CCDC88C: variants seen among roughly 807,000 people sequenced by gnomAD.
The protein encoded by CCDC88C is coiled-coil and HOOK domain protein 88C, also known as protein Daple.
In CCDC88C, 131 loss-of-function variants were observed where a neutral mutation model predicts 198.8. That is an observed-to-expected ratio of 0.66 (90% confidence interval 0.57 to 0.76). The LOEUF (loss-of-function observed/expected upper bound fraction) is 0.76, where lower values mean the gene tolerates loss of function less well. Ranked by LOEUF, CCDC88C falls within the 30% of genes least tolerant of loss-of-function variation. The pLI is 0.00. For synonymous variants in CCDC88C, 1,166 were observed against 1,114.7 expected (o/e 1.05, Z -0.92); for missense variants, 2,553 against 2,631.6 (o/e 0.97, Z 0.65).
At chr14:91,326,200 A>G (rs751168831) in intron 10 of CCDC88C, 144 bp from the exon 11 acceptor site, 2 of 678,652 alleles carry the variant, frequency 2.9e-6, no homozygotes, top group Non-Finnish European at 4.8e-6. Context: ...TTTTTCCTCT[A>G]CTTTTTTTTT....
At chr14:91,388,818 T>C (rs1885307668) in intron 3 of CCDC88C, among the ~76,000 whole-genome samples, 1 of 152,146 alleles carries the variant, frequency 6.6e-6, no homozygotes, top group Non-Finnish European at 1.5e-5. Context: ...AGGACTTCCC[T>C]GGGTATTAAT....
rs561916987 is a variant in CCDC88C, at chr14:91,343,022, A to G, written c.400-559T>C. 9.8e-5 allele frequency among the ~76,000 whole-genome samples: 15 copies of G among 152,308 alleles called. No individual in the cohort carries two copies. In the South Asian group the frequency reaches 3.1e-3, roughly 32 times the overall value. ...CAGGCTGGAGTGCAGTGGCATGATC[A>G]TGGCTCACTGCAGCCTCAAACTCCT... On this transcript the variant is annotated intron_variant, in intron 5 of 29. Transcript: ENST00000389857.
At chr14:91,296,087 C>T (rs1416352161) in intron 22 of CCDC88C, among the ~76,000 whole-genome samples, 2 of 152,178 alleles carry the variant, frequency 1.3e-5, no homozygotes, top group African/African-American at 2.4e-5. Flanking sequence ...TTAAGCCACC[C>T]GGCTTGAGGT....
chr14:91,392,289 C>T (rs1043498543), intron 3 of CCDC88C, among the ~76,000 whole-genome samples: 24 of 152,216 alleles, frequency 1.6e-4, no homozygotes, highest in African/African-American at 5.5e-4. Flanking sequence ...CACCCCCAAC[C>T]CTGCCAAAAC....
rs755390490 is a variant in CCDC88C at position 91,273,495 on chromosome 14, G to A, written c.5217C>T (p.Thr1739=). 6.5e-7 allele frequency: 1 copy of A among 1,550,146 alleles called. No individual in the cohort carries two copies. The highest frequency in any genetic ancestry group is 8.7e-7 in the Non-Finnish European group (1 of 1,146,908). The change falls in exon 30 of 30, where the codon ACC becomes ACT. Residue 1739 remains threonine, a synonymous_variant. Coordinates refer to ENST00000389857, the MANE Select transcript of CCDC88C (RefSeq NM_001080414.4). This position sits in a 1 kb window ranked among gnomAD's most constrained non-coding sequence, Gnocchi z 5.6. ...CGGGCTTCAGCGGCCTCCCCTCCGA[G>A]GTGGGGGCGGCCATTTTGACGGTGG... The part of the protein sequence containing the change: ...VAPTVKMAAP[T]SEGRPLKPGQ...
chr14:91,302,341 T>G (rs1029334673), intron 20 of CCDC88C, among the ~76,000 whole-genome samples: 2 of 152,160 alleles, frequency 1.3e-5, no homozygotes, highest in Admixed American at 6.5e-5. Context: ...TCTGTTGTAC[T>G]CCAAGTACCT....
At chr14:91,372,528 C>CGGGGGGG (rs199749681) in intron 3 of CCDC88C, among the ~76,000 whole-genome samples, 18 of 24,532 alleles carry the variant, frequency 7.3e-4, no homozygotes, top group African/African-American at 1.4e-3. Context: ...GGCAGTGGTG[C>CGGGGGGG]GGGGGGGGGC....
intron 21 of CCDC88C, 144 bp from the exon 22 acceptor site, chr14:91,297,635 T>C: frequency 2.6e-6 from 2 of 782,228 alleles, no homozygotes; most frequent in Non-Finnish European, 4.0e-6. Flanking sequence ...GGCTTTTTTT[T>C]TTTTCCATGC....
chr14:91,314,288 C>A, intron 14 of CCDC88C, 138 bp from the exon 15 acceptor site: 1 of 677,418 alleles, frequency 1.5e-6, no homozygotes. Context: ...GTGCGTTCCC[C>A]AGAGGCTTGA....
chr14:91,391,591 C>T (rs1203240867), intron 3 of CCDC88C, among the ~76,000 whole-genome samples: 1 of 152,094 alleles, frequency 6.6e-6, no homozygotes, highest in Non-Finnish European at 1.5e-5. Context: ...CCAGCCTGGC[C>T]AACATGGTGA....
rs1175288281 is a variant in CCDC88C at position 91,272,952 on chromosome 14, A to G, written c.5760T>C (p.Ser1920=). 1.3e-6 allele frequency: 2 copies of G among 1,559,918 alleles called. No individual in the cohort carries two copies. The highest frequency in any genetic ancestry group is 1.9e-5 in the Admixed American group (1 of 53,004). The change falls in exon 30 of 30, where the codon AGT becomes AGC. Residue 1920 remains serine (S), a synonymous_variant. Transcript: ENST00000389857. ...TAGAGAAAAG[S]GSNSQLLHFS... is the part of the protein sequence containing the mutation. The stretch of plus-strand genomic sequence containing the variant: ...AGTGCAGGAGCTGGGAGTTGCTGCC[A>G]CTGCCAGCAGCAGCAGCACCAGCAC...
At chr14:91,341,465 C>T (rs536966178) in intron 6 of CCDC88C, among the ~76,000 whole-genome samples, 1 of 152,372 alleles carries the variant, frequency 6.6e-6, no homozygotes, top group East Asian at 1.9e-4. Flanking sequence ...CCAATGGCCC[C>T]AGCCAGCTGT....
At chr14:91,379,824 T>C in intron 3 of CCDC88C, 1 of 703,002 alleles carries the variant, frequency 1.4e-6, no homozygotes, top group Non-Finnish European at 2.6e-6. Flanking sequence ...TTGAAGCCAA[T>C]GCGAAAACTC....
intron 4 of CCDC88C, among the ~76,000 whole-genome samples, chr14:91,349,204 C>A (rs1164309204): frequency 6.6e-6 from 1 of 152,132 alleles, no homozygotes; most frequent in East Asian, 1.9e-4. Context: ...GGGAGCCAAA[C>A]CAGCAATCAG....
chr14:91,329,003 T>G (rs564539643), intron 10 of CCDC88C, among the ~76,000 whole-genome samples: 1 of 152,146 alleles, frequency 6.6e-6, no homozygotes, highest in Non-Finnish European at 1.5e-5. Flanking sequence ...AAGGGGGCCA[T>G]AGCAGCAGGA....
At chr14:91,372,528 CGGGGGGGGGCGGGCGGG>C (rs1567105587) in intron 3 of CCDC88C, among the ~76,000 whole-genome samples, 1 of 24,528 alleles carries the variant, frequency 4.1e-5, no homozygotes, top group Non-Finnish European at 7.6e-5. Flanking sequence ...GGCAGTGGTG[CGGGGGGGGGCGGGCGGG>C]GGGGGGAGGC....
intron 12 of CCDC88C, among the ~76,000 whole-genome samples, chr14:91,323,717 T>C (rs1287492085): frequency 1.3e-5 from 2 of 152,240 alleles, no homozygotes; most frequent in South Asian, 4.1e-4. Flanking sequence ...AAATATTTAG[T>C]TGATGAGAGA....
chr14:91,276,553 A>G (rs765545983), intron 29 of CCDC88C, among the ~76,000 whole-genome samples: 7 of 152,392 alleles, frequency 4.6e-5, no homozygotes, highest in East Asian at 3.9e-4. Flanking sequence ...ACTGCTAAAC[A>G]TAAGACTGCA....
Position 91,417,707 on chromosome 14 carries a change from C to T in CCDC88C, c.-17G>A. 2 of 1,506,734 alleles carry T rather than the reference C, an allele frequency of 1.3e-6. No individual in the cohort carries two copies. The highest frequency in any genetic ancestry group is 8.8e-7 in the Non-Finnish European group (1 of 1,131,130). 93.3% of individuals were successfully genotyped at this position (1,506,734 alleles called of 1,614,324 possible). A position where few individuals can be genotyped will look rare whatever the true frequency, so the allele number is the denominator to read the frequency against. ...CACGTCCATGCTGAGGCTGCGCCCG[C>T]CGGCTCCGCGCCCCCCGCCCCGCGT... On this transcript the variant is annotated 5_prime_UTR_variant, in exon 1 of 30. Coordinates refer to ENST00000389857, the MANE Select transcript of CCDC88C (RefSeq NM_001080414.4).
Sources: gnomAD v4.1 joint callset for allele counts (sites outside exome capture counted in the v4.1 genomes callset) on GRCh38, gnomAD v4.1.1 for gene constraint, Gnocchi (gnomAD v3.1) non-coding constraint, MANE v1.5 for transcripts, NCBI Gene and HGNC (gene_info 2026-07-23, HGNC 2026-07-21) for gene names.